Variants in ZNF268 observed in about 807,000 individuals in gnomAD.
ZNF268 encodes zinc finger protein 268, also known as zinc finger protein 3.
In ZNF268, 20 loss-of-function variants were observed where a neutral mutation model predicts 29.3. The observed-to-expected ratio is 0.68, with a 90% CI of 0.48 to 0.99. The LOEUF (loss-of-function observed/expected upper bound fraction) is 0.99. ZNF268 is among the 50% of genes least tolerant of loss of function. The pLI is 0.00. For synonymous variants in ZNF268, 429 were observed against 376.9 expected, an observed-to-expected ratio of 1.14 and a Z score of -1.60; for missense variants, 1,240 against 1,121.6, an observed-to-expected ratio of 1.11 and a Z score of -1.51.
Position 133,210,494 on chromosome 12 carries a change from G to A in ZNF268, c.*5964G>A. The A allele has an allele frequency of 4.0e-6, 1 of 252,978 alleles. No individual in the cohort carries two copies. The highest frequency in any genetic ancestry group is 8.7e-5 in the East Asian group (1 of 11,486). 15.7% of individuals were successfully genotyped at this position (252,978 alleles called of 1,614,324 possible). A position where few individuals can be genotyped will look rare whatever the true frequency, so the allele number is the denominator to read the frequency against. ...CTAGGGTCCCTAGGTCAGTCCTGAA[G>A]AGAAACAAGCTCCAGTCTTCACTGT... On this transcript the variant is annotated 3_prime_UTR_variant, in exon 6 of 6. Coordinates refer to ENST00000536435, the MANE Select transcript of ZNF268 (RefSeq NM_003415.3).
chr12:133,193,452 C>A, intron 5 of ZNF268: 2 of 692,206 alleles, frequency 2.9e-6, no homozygotes, highest in South Asian at 1.5e-5. Context: ...AAGTCCAAAG[C>A]CAAGGTGCTG....
chr12:133,190,029 C>G (rs969727673), intron 3 of ZNF268, among the ~76,000 whole-genome samples: 1 of 152,096 alleles, frequency 6.6e-6, no homozygotes, highest in South Asian at 2.1e-4. Flanking sequence ...AGGATGGTCT[C>G]GTTCTCCTGA....
At position 133,213,355 on chromosome 12, in the gene ZNF268, A is replaced by C. The variant is rs1957013035; in HGVS notation, c.*8825A>C. ...AATAGGTAAATTGGACTTCACCAAAATTGAAAACTTTCGGCATCAGTGGAC... is the reference window on the plus strand; with the variant it reads ...AATAGGTAAATTGGACTTCACCAAACTTGAAAACTTTCGGCATCAGTGGAC... On this transcript the variant is annotated 3_prime_UTR_variant, in exon 6 of 6. Transcript: ENST00000536435. 1 of 152,190 alleles carries C rather than the reference A, an allele frequency of 6.6e-6. No individual in the cohort carries two copies. The allele number at this position is 152,190 out of a possible 1,614,324, so 9.4% of individuals were successfully genotyped here.
At chr12:133,184,337 C>T (rs1244950834) in intron 2 of ZNF268, among the ~76,000 whole-genome samples, 3 of 152,094 alleles carry the variant, frequency 2.0e-5, no homozygotes, top group African/African-American at 7.2e-5. Flanking sequence ...GATCTCCTGA[C>T]CTCATGATCC....
chr12:133,213,928 C>CCTGGGCTCA lies in ZNF268; in HGVS notation c.*9399_*9400insTGGGCTCAC. 6.6e-6 allele frequency: 1 copy of CCTGGGCTCA among 151,630 alleles called. No homozygotes were observed. Among genetic ancestry groups the CCTGGGCTCA allele is most frequent in the Non-Finnish European group, 1.5e-5 (1 of 67,892 alleles). The allele number at this position is 151,630 out of a possible 1,614,324, so 9.4% of individuals were successfully genotyped here. On this transcript the variant is annotated 3_prime_UTR_variant, in exon 6 of 6. Transcript: ENST00000536435. ...GAAGGAGAATGGCGTGAACCTGGAA[C>CCTGGGCTCA]CAGTGAGCCCAGATCTCACCACTGC...
rs144362696 is a variant in ZNF268 at position 133,187,083 on chromosome 12, T to C, written c.34-789T>C. On this transcript the variant is annotated intron_variant, in intron 2 of 5. Coordinates refer to ENST00000536435, the MANE Select transcript of ZNF268 (RefSeq NM_003415.3). ...GGCCCATAGTGTTTTCAACCAGTTA[T>C]GTAGTTACAGATATTTGGGTTATAA... Among the ~76,000 whole-genome samples the C allele has an allele frequency of 2.6e-3, 396 of 152,354 alleles. 2 individuals are homozygous for C. The highest frequency in any genetic ancestry group is 0.017 in the East Asian group (87 of 5,188).
Position 133,211,464 on chromosome 12 carries a change from A to G in ZNF268, c.*6934A>G, listed in dbSNP as rs1303418215. ...GGCGTGGTGGCGCTACTCTGCCACC[A>G]AGTGGTAGCTACTCCGGAGGCGGAG... On this transcript the variant is annotated 3_prime_UTR_variant, in exon 6 of 6. Transcript: ENST00000536435. The G allele has an allele frequency of 2.8e-5, 5 of 177,234 alleles. No homozygotes were observed. The East Asian group carries it at 7.7e-4, about 27-fold the overall frequency. The allele number at this position is 177,234 out of a possible 1,614,324, so 11.0% of individuals were successfully genotyped here.
Position 133,202,185 on chromosome 12 carries a change from G to A in ZNF268, c.499G>A (p.Glu167Lys). ...TGATGATCTTATGGATTGGCATCAG[G>A]AAAATAAAGACAAGCTGGGAAGTAC... ...KIDDLMDWHQ[E>K]NKDKLGSTAK... The change falls in exon 6 of 6, where the codon GAA becomes AAA. Residue 167 changes from glutamate to lysine, a missense_variant. By Grantham distance (56) the Glu-to-Lys change is moderately conservative. This residue lies in a region of ZNF268 where 1,177 missense variants were observed against 1,039.6 expected (regional missense o/e 1.13). Coordinates refer to ENST00000536435, the MANE Select transcript of ZNF268 (RefSeq NM_003415.3). 1 of 1,602,400 alleles carries A rather than the reference G, an allele frequency of 6.2e-7. No individual in the cohort carries two copies. Among genetic ancestry groups the A allele is most frequent in the Non-Finnish European group, 8.5e-7 (1 of 1,174,858 alleles).
At chr12:133,196,687 A>G (rs1044403480) in intron 5 of ZNF268, among the ~76,000 whole-genome samples, 4 of 152,184 alleles carry the variant, frequency 2.6e-5, no homozygotes, top group Non-Finnish European at 4.4e-5. Context: ...TCACTGGCCT[A>G]TTTTCATTTT....
chr12:133,193,522 C>T (rs1422362461), intron 5 of ZNF268: 2 of 693,210 alleles, frequency 2.9e-6, no homozygotes, highest in African/African-American at 1.8e-5. Flanking sequence ...CTTGTTGCTG[C>T]ATCCTCTGGA....
chr12:133,203,492 C>T lies in ZNF268; in HGVS notation c.1806C>T (p.His602=), dbSNP rs1956810450. ...AFGLKSQLII[H]QRTHTGEKPF... is the part of the protein sequence containing the mutation. ...GTTTAAAGTCACAGCTTATTATACA[C>T]CAGAGAACTCATACAGGGGAGAAAC... is the stretch of plus-strand genomic sequence containing the variant. Residue 602 remains histidine, a synonymous_variant, in exon 6 of 6, where the codon CAC becomes CAT. Transcript: ENST00000536435. 1 of 1,542,964 alleles carries T rather than the reference C, an allele frequency of 6.5e-7. No homozygotes were observed. Among genetic ancestry groups the T allele is most frequent in the Non-Finnish European group, 8.7e-7 (1 of 1,148,640 alleles).
At chr12:133,183,023 G>C (rs1956217781) in intron 2 of ZNF268, among the ~76,000 whole-genome samples, 1 of 152,218 alleles carries the variant, frequency 6.6e-6, no homozygotes, top group African/African-American at 2.4e-5. Context: ...CCTCCTATCA[G>C]AGGCTGCATT....
At position 133,203,447 on chromosome 12, in the gene ZNF268, C is replaced by T. The variant is rs189953075; in HGVS notation, c.1761C>T (p.Thr587=). The change falls in exon 6 of 6, where the codon ACC becomes ACT. Residue 587 remains threonine, a synonymous_variant. Transcript: ENST00000536435. The part of the protein sequence containing the change: ...THAGEKPYEC[T]DCGKAFGLKS... Reference sequence around the variant, plus strand: ...CAGGAGAGAAGCCTTATGAATGCACCGACTGTGGAAAGGCTTTTGGTTTAA... The same window carrying T: ...CAGGAGAGAAGCCTTATGAATGCACTGACTGTGGAAAGGCTTTTGGTTTAA... 612 of 1,541,696 alleles carry T rather than the reference C, an allele frequency of 4.0e-4. 2 individuals are homozygous for T. In the African/African-American group the frequency reaches 6.8e-3, roughly 17 times the overall value.
At chr12:133,183,090 G>C (rs1290033162) in intron 2 of ZNF268, among the ~76,000 whole-genome samples, 1 of 152,148 alleles carries the variant, frequency 6.6e-6, no homozygotes, top group Non-Finnish European at 1.5e-5. Context: ...TCTAGGTTGC[G>C]CACTTCTTAT....
At chr12:133,182,391 AT>A (rs77548189) in intron 2 of ZNF268, among the ~76,000 whole-genome samples, 51,988 of 151,496 alleles carry the variant, frequency 0.34, 9,333 homozygotes, top group African/African-American at 0.41. Context: ...CTTGTTCAAC[AT>A]TTTTTTTTAT....
chr12:133,195,433 A>G (rs981735871), intron 5 of ZNF268, among the ~76,000 whole-genome samples: 2 of 152,202 alleles, frequency 1.3e-5, no homozygotes, highest in Admixed American at 6.5e-5. Flanking sequence ...TGCCAGGTGC[A>G]GTGGCACATG....
In ZNF268 at chr12:133,204,437, G is replaced by T; in HGVS notation, c.2751G>T (p.Glu917Asp). 6.4e-7 allele frequency: 1 copy of T among 1,560,114 alleles called. No homozygotes were observed. The highest frequency in any genetic ancestry group is 2.4e-5 in the East Asian group (1 of 42,432). ...LSAHQRTHTG[E>D]KPCKCTECGK... Reference sequence around the variant, plus strand: ...CACATCAGAGAACACATACAGGAGAGAAGCCTTGTAAGTGCACTGAATGTG... The same window carrying T: ...CACATCAGAGAACACATACAGGAGATAAGCCTTGTAAGTGCACTGAATGTG... The change falls in exon 6 of 6, where the codon GAG becomes GAT. Residue 917 changes from glutamate (E) to aspartate (D), a missense_variant. Glu to Asp is a conservative substitution (Grantham distance 45). Coordinates refer to ENST00000536435, the MANE Select transcript of ZNF268 (RefSeq NM_003415.3).
intron 3 of ZNF268, 129 bp from the exon 4 acceptor site, chr12:133,191,360 A>T: frequency 9.8e-7 from 1 of 1,020,596 alleles, no homozygotes; most frequent in Non-Finnish European, 1.4e-6. Flanking sequence ...TTTAATGCAC[A>T]TTGATGGATG....
intron 2 of ZNF268, among the ~76,000 whole-genome samples, chr12:133,182,432 G>A (rs1956199153): frequency 6.6e-6 from 1 of 152,070 alleles, no homozygotes; most frequent in Non-Finnish European, 1.5e-5. Context: ...CCTGGGGCAG[G>A]TGCTAAAAAT....
Sources: gnomAD v4.1 joint callset for allele counts (sites outside exome capture counted in the v4.1 genomes callset) on GRCh38, gnomAD v4.1.1 for gene constraint, gnomAD v4.1.1 regional missense constraint, MANE v1.5 for transcripts, NCBI Gene and HGNC (gene_info 2026-07-23, HGNC 2026-07-21) for gene names.